TLN2: variants seen among roughly 807,000 people sequenced by gnomAD.
TLN2 encodes the protein talin 2.
A neutral mutation model predicts 294.7 loss-of-function variants in TLN2; 118 were observed. The observed-to-expected ratio is 0.40, with a 90% CI of 0.34 to 0.47. The LOEUF (loss-of-function observed/expected upper bound fraction) is 0.47, where lower values mean the gene tolerates loss of function less well. Among genes scored for constraint, TLN2 ranks in the 20% least tolerant of loss-of-function variants. The pLI is 0.84. For missense variants in TLN2, 3,083 were observed against 3,282.2 expected (o/e 0.94, Z 1.48); for synonymous variants, 1,431 against 1,304.5 (o/e 1.10, Z -2.09).
intron 1 of TLN2, among the ~76,000 whole-genome samples, chr15:62,397,420 G>A (rs2032640471): frequency 6.6e-6 from 1 of 151,990 alleles, no homozygotes; most frequent in Non-Finnish European, 1.5e-5. Flanking sequence ...ACCATACCTG[G>A]CTAATTTGTA....
At chr15:62,567,688 A>G (rs2043522224) in intron 1 of TLN2, among the ~76,000 whole-genome samples, 1 of 151,914 alleles carries the variant, frequency 6.6e-6, no homozygotes, top group Non-Finnish European at 1.5e-5. Context: ...TACAAAAATT[A>G]CCCGGGCGTG....
intron 1 of TLN2, among the ~76,000 whole-genome samples, chr15:62,415,910 T>G (rs1304091287): frequency 6.6e-6 from 1 of 152,246 alleles, no homozygotes; most frequent in Non-Finnish European, 1.5e-5. Context: ...CCTATTTTAG[T>G]TGAAGATGTA....
intron 1 of TLN2, among the ~76,000 whole-genome samples, chr15:62,484,686 A>G (rs541069462): frequency 6.6e-6 from 1 of 152,056 alleles, no homozygotes; most frequent in East Asian, 1.9e-4. Flanking sequence ...CAGCCTCCCA[A>G]AGTGCTGGGA....
intron 21 of TLN2, 40 bp downstream of exon 21, chr15:62,708,836 T>G: frequency 6.4e-7 from 1 of 1,559,322 alleles, no homozygotes; most frequent in Non-Finnish European, 8.6e-7. Flanking sequence ...GGGTGGCTTT[T>G]GATGTTCCTG....
intron 55 of TLN2, chr15:62,833,943 T>G (rs902120269): frequency 9.4e-6 from 2 of 212,952 alleles, no homozygotes; most frequent in African/African-American, 4.6e-5. Context: ...ACTGTCATAT[T>G]TTCCTGGTGG....
intron 1 of TLN2, among the ~76,000 whole-genome samples, chr15:62,556,384 G>T (rs182810913): frequency 6.6e-6 from 1 of 151,618 alleles, no homozygotes; most frequent in Non-Finnish European, 1.5e-5. Context: ...AGGGCTCACC[G>T]CAGCCTCAAC....
chr15:62,833,364 A>G, intron 54 of TLN2, 140 bp from the exon 55 acceptor site: 3 of 1,303,334 alleles, frequency 2.3e-6, no homozygotes, highest in Non-Finnish European at 3.2e-6. Context: ...TTGTTAAGGA[A>G]CCATCCCATT....
At chr15:62,582,063 A>C (rs1176367375) in intron 1 of TLN2, among the ~76,000 whole-genome samples, 1 of 151,888 alleles carries the variant, frequency 6.6e-6, no homozygotes, top group Non-Finnish European at 1.5e-5. Flanking sequence ...AAAAAGAAAA[A>C]GAAAAACATG....
chr15:62,435,551 A>G (rs1243244840), intron 1 of TLN2, among the ~76,000 whole-genome samples: 2 of 151,580 alleles, frequency 1.3e-5, no homozygotes, highest in South Asian at 2.1e-4. Flanking sequence ...ATTTTTATTT[A>G]TTTTTTTGAA....
At chr15:62,466,837 T>G (rs928353830) in intron 1 of TLN2, among the ~76,000 whole-genome samples, 1 of 152,236 alleles carries the variant, frequency 6.6e-6, no homozygotes, top group African/African-American at 2.4e-5. Context: ...CTGATGACAC[T>G]GACTCTGACC....
intron 37 of TLN2, 33 bp downstream of exon 37, chr15:62,755,726 C>G (rs754621588): frequency 1.2e-6 from 2 of 1,611,436 alleles, no homozygotes; most frequent in East Asian, 2.2e-5. Flanking sequence ...TTATTGAACT[C>G]TGTAACTCCT....
intron 41 of TLN2, among the ~76,000 whole-genome samples, chr15:62,769,627 C>T (rs576450059): frequency 2.6e-5 from 4 of 152,144 alleles, no homozygotes; most frequent in Admixed American, 6.5e-5. Context: ...TTTTTGGACA[C>T]GTTCCCTCAC....
intron 46 of TLN2, among the ~76,000 whole-genome samples, chr15:62,793,132 T>A (rs1030688072): frequency 6.6e-6 from 1 of 152,210 alleles, no homozygotes; most frequent in Non-Finnish European, 1.5e-5. Flanking sequence ...CAGAGCCCTT[T>A]CCTGCAACCT....
At chr15:62,627,598 A>G (rs1161776806) in intron 3 of TLN2, among the ~76,000 whole-genome samples, 2 of 152,198 alleles carry the variant, frequency 1.3e-5, no homozygotes, top group Admixed American at 1.3e-4. Context: ...TGTGTGTGAG[A>G]CACATTATTT....
rs529145061 is a variant in TLN2 at position 62,536,416 on chromosome 15, T to C, written c.-237-53271T>C. ...GGGCTTCTGATATCTTGTTTTTTCT[T>C]CTGTGGCACCAATTTGGGTGCATTT... On this transcript the variant is annotated intron_variant, in intron 1 of 58. Coordinates refer to ENST00000636159, the MANE Select transcript of TLN2 (RefSeq NM_015059.3). Among the ~76,000 whole-genome samples, 31 of 152,332 alleles carry C rather than the reference T, an allele frequency of 2.0e-4. No homozygotes were observed. The East Asian group carries it at 5.8e-3, about 28-fold the overall frequency.
At chr15:62,655,217 G>A (rs928313504) in intron 7 of TLN2, among the ~76,000 whole-genome samples, 10 of 152,284 alleles carry the variant, frequency 6.6e-5, no homozygotes, top group South Asian at 4.1e-4. Context: ...TGTGTACTCA[G>A]GTTGCTTATA....
intron 1 of TLN2, among the ~76,000 whole-genome samples, chr15:62,581,222 C>A (rs1393950009): frequency 6.6e-6 from 1 of 152,118 alleles, no homozygotes; most frequent in Non-Finnish European, 1.5e-5. Context: ...TTGCCTCTTC[C>A]AGAATGTCAT....
At chr15:62,617,631 C>A (rs964851292) in intron 2 of TLN2, among the ~76,000 whole-genome samples, 1 of 152,202 alleles carries the variant, frequency 6.6e-6, no homozygotes, top group Non-Finnish European at 1.5e-5. Flanking sequence ...CCCGCTTTCA[C>A]CCTGCACCTC....
intron 5 of TLN2, 50 bp from the exon 6 acceptor site, chr15:62,651,955 T>A (rs1206243907): frequency 2.7e-6 from 4 of 1,492,216 alleles, no homozygotes; most frequent in Admixed American, 2.1e-5. Flanking sequence ...TCAAGTTTGT[T>A]ATTTATTTTC....
Sources: allele counts gnomAD v4.1 joint callset (sites outside exome capture counted in the v4.1 genomes callset), GRCh38; gene constraint gnomAD v4.1.1; transcripts MANE v1.5; gene names NCBI Gene and HGNC (gene_info 2026-07-23, HGNC 2026-07-21).